ANKRD7: variants seen among roughly 807,000 people sequenced by gnomAD.
ANKRD7 encodes ankyrin repeat domain 7, also known as ankyrin repeat domain-containing protein 7.
A neutral mutation model predicts 30.8 loss-of-function variants in ANKRD7; 30 were observed. The observed-to-expected ratio is 0.97, with a 90% CI of 0.73 to 1.32. The LOEUF (loss-of-function observed/expected upper bound fraction) is 1.32, where lower values mean the gene tolerates loss of function less well. ANKRD7 is among the 40% of genes most tolerant of loss of function. ANKRD7 has a pLI of 0.00. For synonymous variants in ANKRD7, 97 were observed against 106.6 expected (o/e 0.91, Z 0.55); for missense variants, 264 against 295.7 (o/e 0.89, Z 0.79).
chr7:118,240,702 T>C (rs1809817959), intron 6 of ANKRD7, among the ~76,000 whole-genome samples: 1 of 152,162 alleles, frequency 6.6e-6, no homozygotes, highest in African/African-American at 2.4e-5. Flanking sequence ...CATAAAAATT[T>C]TAATTTTATT....
intron 5 of ANKRD7, among the ~76,000 whole-genome samples, chr7:118,237,332 TG>T (rs1226480992): frequency 2.0e-5 from 3 of 152,212 alleles, no homozygotes; most frequent in African/African-American, 7.2e-5. Context: ...AACCTTAGTT[TG>T]GTAAGTGTTC....
chr7:118,224,922 G>A lies in ANKRD7; in HGVS notation c.92G>A (p.Arg31Lys), dbSNP rs565779585. ...LREKDLKKLH[R>K]AASVGDLKKL... is the part of the protein sequence containing the mutation. The stretch of plus-strand genomic sequence containing the variant: ...GAAAAGGATTTAAAGAAACTTCACA[G>A]AGCTGCTTCAGTCGGGGATTTGAAG... Residue 31 changes from arginine to lysine, a missense_variant, in exon 1 of 7, where the codon AGA (arginine) becomes AAA (lysine). Coordinates refer to ENST00000265224, the MANE Select transcript of ANKRD7 (RefSeq NM_019644.4). The A allele has an allele frequency of 6.2e-7, 1 of 1,614,200 alleles. No individual in the cohort carries two copies. The highest frequency in any genetic ancestry group is 1.7e-5 in the Admixed American group (1 of 60,020).
At chr7:118,235,905 T>G (rs1392177882) in intron 3 of ANKRD7, 136 bp from the exon 4 acceptor site, 1 of 511,658 alleles carries the variant, frequency 2.0e-6, no homozygotes, top group Non-Finnish European at 3.5e-6. Flanking sequence ...TCACATTTTT[T>G]TATGTATTAA....
At chr7:118,225,116 T>TC in intron 1 of ANKRD7, 107 bp downstream of exon 1, 1 of 1,298,428 alleles carries the variant, frequency 7.7e-7, no homozygotes, top group Non-Finnish European at 1.1e-6. Context: ...ACTCCGGGTT[T>TC]CCCAAAGAAG....
intron 1 of ANKRD7, among the ~76,000 whole-genome samples, chr7:118,229,012 C>A (rs11981239): frequency 0.16 from 23,910 of 152,034 alleles, 3,586 homozygotes; most frequent in African/African-American, 0.38. Flanking sequence ...TGTCTCATAC[C>A]ACCCTATATG....
rs1809724718 is a variant in ANKRD7, at chr7:118,236,140, T to C, written c.568T>C (p.Tyr190His). The change falls in exon 4 of 7, where the codon TAT becomes CAT. Residue 190 changes from tyrosine (Y) to histidine (H), a missense_variant. Transcript: ENST00000265224. The part of the protein sequence containing the change: ...KGADVNASDN[Y>H]QRTALILAVS... ...GGCTGATGTGAATGCTTCAGATAAT[T>C]ATCAAAGGTATAATTAATAAATAAG... The C allele has an allele frequency of 1.3e-6, 2 of 1,561,080 alleles. No individual in the cohort carries two copies. The highest frequency in any genetic ancestry group is 2.7e-5 in the African/African-American group (2 of 73,178).
At position 118,234,458 on chromosome 7, in the gene ANKRD7, T is replaced by G; in HGVS notation, c.207T>G (p.Asn69Lys). ...YRTPLHLACA[N>K]GHTDVVLFLI... ...CACCTTTGCACCTAGCCTGTGCTAA[T>G]GGACATACAGATGTTGTACTTTTCC... The change falls in exon 2 of 7, where the codon AAT becomes AAG. Residue 69 changes from asparagine to lysine, a missense_variant. Asn to Lys is a moderately conservative substitution (Grantham distance 94). Transcript: ENST00000265224. 1.9e-6 allele frequency: 3 copies of G among 1,612,070 alleles called. No individual in the cohort carries two copies. Among genetic ancestry groups the G allele is most frequent in the Non-Finnish European group, 2.5e-6 (3 of 1,179,290 alleles).
At chr7:118,229,138 A>G (rs748907018) in intron 1 of ANKRD7, among the ~76,000 whole-genome samples, 4 of 152,106 alleles carry the variant, frequency 2.6e-5, no homozygotes, top group African/African-American at 4.8e-5. Context: ...CAAGACATGC[A>G]TTTAGGGTTT....
chr7:118,237,362 C>G lies in ANKRD7; in HGVS notation c.712+436C>G, dbSNP rs188197307. Among the ~76,000 whole-genome samples, 22 of 152,204 alleles carry G rather than the reference C, an allele frequency of 1.4e-4. No homozygotes were observed. In the East Asian group the frequency reaches 4.1e-3, roughly 28 times the overall value. On this transcript the variant is annotated intron_variant, in intron 5 of 6. Coordinates refer to ENST00000265224, the MANE Select transcript of ANKRD7 (RefSeq NM_019644.4). The stretch of plus-strand genomic sequence containing the variant: ...AGTGTTCAGAATTCTAAAGTACACT[C>G]TATTTACACCCAAAAGAAAAACTAT...
chr7:118,241,853 T>TA (rs1241678809), intron 6 of ANKRD7, among the ~76,000 whole-genome samples: 6 of 152,112 alleles, frequency 3.9e-5, no homozygotes, highest in African/African-American at 2.4e-5. Flanking sequence ...GAATTACTCT[T>TA]AATGTATACT....
intron 1 of ANKRD7, among the ~76,000 whole-genome samples, chr7:118,233,765 T>C (rs750804865): frequency 2.0e-5 from 3 of 152,160 alleles, no homozygotes; most frequent in African/African-American, 4.8e-5. Context: ...TAGAAGTAGA[T>C]AAATGTTTAT....
intron 6 of ANKRD7, among the ~76,000 whole-genome samples, chr7:118,240,991 A>G (rs563211940): frequency 2.7e-5 from 4 of 149,746 alleles, no homozygotes; most frequent in South Asian, 4.2e-4. Context: ...CGTCTCTACT[A>G]AAAATACAAA....
intron 1 of ANKRD7, among the ~76,000 whole-genome samples, chr7:118,226,587 A>G (rs1809545628): frequency 6.6e-6 from 1 of 152,202 alleles, no homozygotes. Flanking sequence ...TGTTAAGTTG[A>G]AGTGGATCAT....
At position 118,224,984 on chromosome 7, in the gene ANKRD7, GTAAA is replaced by G; in HGVS notation, c.157_160del (p.Asn53CysfsTer12). 1.2e-6 allele frequency: 2 copies of G among 1,614,030 alleles called. No individual in the cohort carries two copies. Among genetic ancestry groups the G allele is most frequent in the African/African-American group, 1.3e-5 (1 of 75,036 alleles). On this transcript the variant is annotated frameshift_variant, in exon 1 of 7. Transcript: ENST00000265224. LOFTEE classifies it high-confidence loss of function. ...ATACCTTCAGATCAAGAAATATGAT[GTAAA>G]TATGCAGGACAAAAAATACAGGTGA...
intron 1 of ANKRD7, chr7:118,228,057 CAGCAAA>C: frequency 7.8e-7 from 1 of 1,288,274 alleles, no homozygotes; most frequent in Non-Finnish European, 1.0e-6. Flanking sequence ...GCTGGCCTGT[CAGCAAA>C]GTATTTTATT....
At chr7:118,240,671 T>A (rs1199660262) in intron 6 of ANKRD7, among the ~76,000 whole-genome samples, 3 of 152,106 alleles carry the variant, frequency 2.0e-5, no homozygotes, top group African/African-American at 7.2e-5. Flanking sequence ...CACATATATA[T>A]TTTAATAGAT....
intron 3 of ANKRD7, among the ~76,000 whole-genome samples, chr7:118,235,084 C>T (rs903086118): frequency 3.3e-5 from 5 of 152,072 alleles, no homozygotes; most frequent in Admixed American, 3.3e-4. Flanking sequence ...GTAATCCTGA[C>T]CTCCAAAGAA....
chr7:118,228,866 T>G (rs1359772069), intron 1 of ANKRD7, among the ~76,000 whole-genome samples: 1 of 152,142 alleles, frequency 6.6e-6, no homozygotes, highest in Non-Finnish European at 1.5e-5. Flanking sequence ...TTAACTACAC[T>G]TTTCCCTTTT....
chr7:118,234,871 T>C lies in ANKRD7; in HGVS notation c.465T>C (p.Asn155=), dbSNP rs745557549. Residue 155 remains asparagine (N), a synonymous_variant, in exon 3 of 7, where the codon AAT becomes AAC. Transcript: ENST00000265224. ...LEYEADLEAK[N]KDGYTPLLVA... is the part of the protein sequence containing the mutation. ...ACGAAGCTGATCTTGAAGCGAAAAATAAGGTAGTTTTCTATTAAAGAAAAA... is the reference window on the plus strand; with the variant it reads ...ACGAAGCTGATCTTGAAGCGAAAAACAAGGTAGTTTTCTATTAAAGAAAAA... The C allele has an allele frequency of 6.9e-6, 11 of 1,590,418 alleles. No homozygotes were observed. The highest frequency in any genetic ancestry group is 1.4e-5 in the African/African-American group (1 of 73,378).
Sources: gnomAD v4.1 joint callset for allele counts (sites outside exome capture counted in the v4.1 genomes callset) on GRCh38, gnomAD v4.1.1 for gene constraint, MANE v1.5 for transcripts, NCBI Gene and HGNC (gene_info 2026-07-23, HGNC 2026-07-21) for gene names.